Variants in ZNF264 observed in about 807,000 individuals in gnomAD.
The protein encoded by ZNF264 is zinc finger protein 264.
In ZNF264, 11 loss-of-function variants were observed where a neutral mutation model predicts 11.2. The ratio of observed to expected loss-of-function variants is 0.98; its 90% confidence interval spans 0.62 to 1.63. ZNF264 has a LOEUF of 1.63. ZNF264 is among the 40% of genes most tolerant of loss of function. ZNF264 has a pLI of 0.00. For missense variants in ZNF264, 752 were observed against 768.1 expected (o/e 0.98, Z 0.25); for synonymous variants, 309 against 279.8 (o/e 1.10, Z -1.04).
intron 2 of ZNF264, among the ~76,000 whole-genome samples, chr19:57,195,868 T>C (rs1450708537): frequency 6.6e-6 from 1 of 151,750 alleles, no homozygotes; most frequent in East Asian, 1.9e-4. Context: ...AAACTAAGAC[T>C]TCTAGGCCAA....
At chr19:57,199,068 C>T (rs2087232646) in intron 2 of ZNF264, among the ~76,000 whole-genome samples, 1 of 151,894 alleles carries the variant, frequency 6.6e-6, no homozygotes, top group South Asian at 2.1e-4. Flanking sequence ...ATTAATTAGC[C>T]AACGCCAGAG....
At chr19:57,197,230 C>T (rs1204881636) in intron 2 of ZNF264, among the ~76,000 whole-genome samples, 1 of 151,778 alleles carries the variant, frequency 6.6e-6, no homozygotes, top group African/African-American at 2.4e-5. Context: ...TCCGCTTGAG[C>T]CCAATCACAT....
chr19:57,212,463 G>T lies in ZNF264; in HGVS notation c.1366G>T (p.Glu456Ter). The change falls in exon 4 of 4, where the codon GAG (glutamate) becomes TAG (stop). Residue 456 changes from glutamate (E) to a stop codon, truncating the protein, a stop_gained. Coordinates refer to ENST00000263095, the MANE Select transcript of ZNF264 (RefSeq NM_003417.5). LOFTEE classifies it low-confidence loss of function (END_TRUNC). ...KRAHTGEKPF[E>*]CKECGKAFSN... ...GGCCCACACTGGAGAAAAGCCTTTC[G>T]AGTGCAAAGAGTGTGGGAAAGCCTT... 2 of 1,613,900 alleles carry T rather than the reference G, an allele frequency of 1.2e-6. No individual in the cohort carries two copies. Among genetic ancestry groups the T allele is most frequent in the Non-Finnish European group, 1.7e-6 (2 of 1,179,986 alleles).
chr19:57,197,923 T>A (rs375809435), intron 2 of ZNF264, among the ~76,000 whole-genome samples: 2 of 151,978 alleles, frequency 1.3e-5, no homozygotes, highest in East Asian at 1.9e-4. Context: ...GTTTGCTACT[T>A]CTTGCTACTG....
At chr19:57,205,951 G>T (rs190485307) in intron 3 of ZNF264, among the ~76,000 whole-genome samples, 12 of 152,328 alleles carry the variant, frequency 7.9e-5, no homozygotes, top group African/African-American at 2.6e-4. Flanking sequence ...TCAGCGAGGA[G>T]CTCTGTACGA....
chr19:57,206,164 G>T (rs12460702), intron 3 of ZNF264, among the ~76,000 whole-genome samples: 38,823 of 152,076 alleles, frequency 0.26, 5,176 homozygotes, highest in South Asian at 0.32. Context: ...TGAGCTGCTT[G>T]TCCAAGGAGA....
intron 2 of ZNF264, among the ~76,000 whole-genome samples, chr19:57,202,009 C>T (rs1223259843): frequency 6.6e-6 from 1 of 151,612 alleles, no homozygotes; most frequent in East Asian, 1.9e-4. Flanking sequence ...AGTTTGAGAC[C>T]AGCCTGAGCA....
chr19:57,209,008 A>G (rs1246272852), intron 3 of ZNF264, among the ~76,000 whole-genome samples: 1 of 152,076 alleles, frequency 6.6e-6, no homozygotes, highest in African/African-American at 2.4e-5. Context: ...ATGAATGCCT[A>G]TTTCCATTAA....
rs765928801 is a variant in ZNF264, at chr19:57,212,549, G to A, written c.1452G>A (p.Glu484=). 4 of 1,614,068 alleles carry A rather than the reference G, an allele frequency of 2.5e-6. No individual in the cohort carries two copies. The highest frequency in any genetic ancestry group is 3.4e-6 in the Non-Finnish European group (4 of 1,180,004). Residue 484 remains glutamate (E), a synonymous_variant, in exon 4 of 4, where the codon GAG becomes GAA. Transcript: ENST00000263095. ...FSIHTGEKPY[E]CVECGKAFTR... is the part of the protein sequence containing the mutation. ...TCCACACTGGAGAGAAGCCCTATGA[G>A]TGCGTGGAGTGTGGAAAGGCCTTCA...
chr19:57,213,804 A>G lies in ZNF264; in HGVS notation c.*823A>G, dbSNP rs1485124178. ...GTGGATTAATCTGTTAAGAATTGGTATCTTTACTATGTTGGGTCTTGTAGT... is the reference window on the plus strand; with the variant it reads ...GTGGATTAATCTGTTAAGAATTGGTGTCTTTACTATGTTGGGTCTTGTAGT... On this transcript the variant is annotated 3_prime_UTR_variant, in exon 4 of 4. Transcript: ENST00000263095. The G allele has an allele frequency of 2.6e-5, 4 of 152,200 alleles. No individual in the cohort carries two copies. The East Asian group carries it at 5.8e-4, about 22-fold the overall frequency. 9.4% of individuals were successfully genotyped at this position (152,200 alleles called of 1,614,324 possible).
At chr19:57,192,472 CTGCATTA>C (rs2087181194) in intron 1 of ZNF264, 1 of 985,270 alleles carries the variant, frequency 1.0e-6, no homozygotes, top group Non-Finnish European at 1.2e-6. Flanking sequence ...TCGCTACAGC[CTGCATTA>C]TCCTTGGCCG....
chr19:57,217,814 CAG>C lies in ZNF264; in HGVS notation c.*4836_*4837del, dbSNP rs1449794529. The C allele has an allele frequency of 1.7e-5, 1 of 57,650 alleles. No individual in the cohort carries two copies. The highest frequency in any genetic ancestry group is 3.7e-4 in the East Asian group (1 of 2,720). 3.6% of individuals were successfully genotyped at this position (57,650 alleles called of 1,614,324 possible). A position where few individuals can be genotyped will look rare whatever the true frequency, so the allele number is the denominator to read the frequency against. On this transcript the variant is annotated 3_prime_UTR_variant, in exon 4 of 4. Coordinates refer to ENST00000263095, the MANE Select transcript of ZNF264 (RefSeq NM_003417.5). ...TTTTTTTTTTTTTTTTTTAAAGAGACAGAGTCTCACTCTGTCACCCAGGCTGG... is the reference window on the plus strand; with the variant it reads ...TTTTTTTTTTTTTTTTTTAAAGAGACAGTCTCACTCTGTCACCCAGGCTGG...
chr19:57,209,058 A>G (rs938733679), intron 3 of ZNF264, among the ~76,000 whole-genome samples: 2 of 152,040 alleles, frequency 1.3e-5, no homozygotes, highest in Non-Finnish European at 2.9e-5. Context: ...TTCTTAGTAC[A>G]TTCTTATCCT....
In ZNF264 at chr19:57,213,003, ATTAC is replaced by A. The variant is rs761389128; in HGVS notation, c.*25_*28del. 5.6e-5 allele frequency: 88 copies of A among 1,584,586 alleles called. No homozygotes were observed. The East Asian group carries it at 1.5e-3, about 28-fold the overall frequency. ...GTGAGAAAACCTTCTGTTGCTGAAT[ATTAC>A]TTGTCATCTGAAGAGTCATATTAGA... On this transcript the variant is annotated 3_prime_UTR_variant, in exon 4 of 4. Transcript: ENST00000263095.
chr19:57,191,942 C>T lies in ZNF264; in HGVS notation c.29C>T (p.Ala10Val), dbSNP rs756926924. Residue 10 changes from alanine (A) to valine (V), a missense_variant, in exon 1 of 4, where the codon GCC (alanine) becomes GTC (valine). Ala to Val is a moderately conservative substitution (Grantham distance 64, BLOSUM62 0). Transcript: ENST00000263095. ...GCGGCAGCGGTGCTGACGGACCGGG[C>T]CCAGGTGAGTGGACGGTGGCTTCGC... The part of the protein sequence containing the change: MAAAVLTDR[A>V]QVSVTFDDVA... 6.5e-7 allele frequency: 1 copy of T among 1,537,766 alleles called. No individual in the cohort carries two copies. Among genetic ancestry groups the T allele is most frequent in the Admixed American group, 1.9e-5 (1 of 53,006 alleles).
chr19:57,199,460 G>A (rs2087235664), intron 2 of ZNF264, among the ~76,000 whole-genome samples: 1 of 151,818 alleles, frequency 6.6e-6, no homozygotes, highest in South Asian at 2.1e-4. Context: ...AGCATTCCCA[G>A]CTCACCCATG....
intron 1 of ZNF264, chr19:57,192,376 G>GGCAA (rs2087180237): frequency 1.0e-6 from 1 of 985,206 alleles, no homozygotes; most frequent in Non-Finnish European, 1.2e-6. Flanking sequence ...AGACGTGGAG[G>GGCAA]GCAACAGTGT....
intron 2 of ZNF264, among the ~76,000 whole-genome samples, chr19:57,200,556 G>GTCTCTTGTGTCT (rs1310165649): frequency 6.8e-6 from 1 of 147,332 alleles, no homozygotes; most frequent in Non-Finnish European, 1.5e-5. Flanking sequence ...CTTGTGTCTT[G>GTCTCTTGTGTCT]TGTCTTGTCT....
Position 57,212,837 on chromosome 19 carries a change from A to G in ZNF264, c.1740A>G (p.Gln580=). The change falls in exon 4 of 4, where the codon CAA becomes CAG. Residue 580 remains glutamine, a synonymous_variant. Coordinates refer to ENST00000263095, the MANE Select transcript of ZNF264 (RefSeq NM_003417.5). ...TGGGAAGACCTTTTACAAGTGGACA[A>G]ACCTCAGTTACCCTTCGAGAACTTC... ...TDVGRPFTSG[Q]TSVTLRELLL... 6.2e-7 allele frequency: 1 copy of G among 1,614,232 alleles called. No individual in the cohort carries two copies. The highest frequency in any genetic ancestry group is 8.5e-7 in the Non-Finnish European group (1 of 1,180,044).
Sources: gnomAD v4.1 joint callset for allele counts (sites outside exome capture counted in the v4.1 genomes callset) on GRCh38, gnomAD v4.1.1 for gene constraint, MANE v1.5 for transcripts, NCBI Gene and HGNC (gene_info 2026-07-23, HGNC 2026-07-21) for gene names.